Variants in NF1 observed in about 807,000 individuals in gnomAD.
NF1 encodes neurofibromin 1.
Under a neutral mutation model 325.7 loss-of-function variants are expected in NF1, and 122 were observed. That is an observed-to-expected ratio of 0.37 (90% CI 0.32 to 0.44). NF1 has a LOEUF of 0.44. NF1 is among the 20% of genes least tolerant of loss of function. NF1 has a pLI of 1.00. For synonymous variants in NF1, 1,091 were observed against 1,186.0 expected (o/e 0.92, Z 1.65); for missense variants, 2,140 against 3,415.4 (o/e 0.63, Z 9.31).
intron 36 of NF1, chr17:31,295,698 C>A: frequency 1.2e-6 from 2 of 1,614,020 alleles, no homozygotes; most frequent in South Asian, 2.2e-5. Flanking sequence ...AAGAGTTGGT[C>A]AAAAGATTGG....
intron 36 of NF1, among the ~76,000 whole-genome samples, chr17:31,315,780 A>G (rs550482325): frequency 6.6e-6 from 1 of 152,334 alleles, no homozygotes; most frequent in East Asian, 1.9e-4. Context: ...TTTCCTGGTC[A>G]CTGCGGGAAA....
chr17:31,337,612 G>A (rs2151556794), intron 43 of NF1, 30 bp downstream of exon 43: 2 of 1,596,430 alleles, frequency 1.3e-6, no homozygotes, highest in Non-Finnish European at 8.6e-7. Flanking sequence ...AAGAAACTAA[G>A]TTAAAATCTT....
intron 14 of NF1, 42 bp from the exon 15 acceptor site, chr17:31,221,808 A>C: frequency 7.1e-7 from 1 of 1,404,090 alleles, no homozygotes; most frequent in African/African-American, 1.4e-5. Context: ...AAAATGTTTG[A>C]GTGAGTCTTC....
At chr17:31,292,631 C>G (rs1405779209) in intron 36 of NF1, among the ~76,000 whole-genome samples, 2 of 152,232 alleles carry the variant, frequency 1.3e-5, no homozygotes, top group East Asian at 1.9e-4. Context: ...GTTCAAGGGT[C>G]AACTTTACTT....
At chr17:31,144,075 G>A (rs1460318256) in intron 1 of NF1, among the ~76,000 whole-genome samples, 2 of 152,002 alleles carry the variant, frequency 1.3e-5, no homozygotes, top group African/African-American at 2.4e-5. Context: ...CGCCCGCCTC[G>A]GCCTCCCAAA....
intron 36 of NF1, among the ~76,000 whole-genome samples, chr17:31,285,965 G>A (rs2068219237): frequency 6.6e-6 from 1 of 152,168 alleles, no homozygotes; most frequent in East Asian, 1.9e-4. Flanking sequence ...TACAGAAAAT[G>A]AGGTGTATCA....
intron 57 of NF1, 91 bp downstream of exon 57, chr17:31,360,794 G>T: frequency 8.2e-7 from 1 of 1,215,654 alleles, no homozygotes; most frequent in Non-Finnish European, 1.2e-6. Context: ...AGCAAATTTT[G>T]CTCCTTTTTC....
intron 36 of NF1, among the ~76,000 whole-genome samples, chr17:31,284,735 T>C (rs1284669475): frequency 2.0e-5 from 3 of 152,208 alleles, no homozygotes; most frequent in Non-Finnish European, 4.4e-5. Flanking sequence ...AAAGTTTTTT[T>C]GAATCACCTA....
intron 36 of NF1, chr17:31,304,842 GT>G: frequency 6.2e-7 from 1 of 1,613,988 alleles, no homozygotes; most frequent in Non-Finnish European, 8.5e-7. Flanking sequence ...TTTCTCTGAT[GT>G]TATCCATACA....
chr17:31,109,388 CTTTTTCTTTTT>C (rs1319265143), intron 1 of NF1, among the ~76,000 whole-genome samples: 8 of 151,060 alleles, frequency 5.3e-5, no homozygotes, highest in African/African-American at 1.2e-4. Context: ...TCTTTTTTTT[CTTTTTCTTTTT>C]TTTTTCTTTT....
In NF1 at chr17:31,265,333, C is replaced by A; in HGVS notation, c.4829C>A (p.Ala1610Glu). ...KAGNPIFYYV[A>E]RRFKTGQING... Reference sequence around the variant, plus strand: ...GGGAATCCTATTTTTTATTATGTTGCACGGAGGTAAGAAATACTATGTTTT... The same window carrying A: ...GGGAATCCTATTTTTTATTATGTTGAACGGAGGTAAGAAATACTATGTTTT... The change falls in exon 36 of 58, where the codon GCA becomes GAA. Residue 1610 changes from alanine to glutamate, a missense_variant. Around this residue, in one of 10 missense-constraint regions of NF1, gnomAD observed 103 missense variants for 214.6 expected, o/e 0.48. Transcript: ENST00000358273. The A allele has an allele frequency of 1.2e-6, 2 of 1,607,038 alleles. No homozygotes were observed. The highest frequency in any genetic ancestry group is 1.7e-6 in the Non-Finnish European group (2 of 1,174,050).
In NF1 at chr17:31,154,996, G is replaced by A. The variant is rs200193865; in HGVS notation, c.61-987G>A. 3.3e-4 allele frequency among the ~76,000 whole-genome samples: 50 copies of A among 152,056 alleles called. No homozygotes were observed. The East Asian group carries it at 7.2e-3, about 22-fold the overall frequency. On this transcript the variant is annotated intron_variant, in intron 1 of 57. Coordinates refer to ENST00000358273, the MANE Select transcript of NF1 (RefSeq NM_001042492.3). ...TCGTGGTCTGCCTGACTTGGCCTCC[G>A]AAAGTGCTGGGATGAGCCACCGTGC...
chr17:31,314,410 G>C lies in NF1; in HGVS notation c.4836-11410G>C, dbSNP rs560454984. 2.5e-5 allele frequency: 4 copies of C among 161,682 alleles called. No individual in the cohort carries two copies. The East Asian group carries it at 5.2e-4, about 21-fold the overall frequency. The allele number at this position is 161,682 out of a possible 1,614,324, so 10.0% of individuals were successfully genotyped here. On this transcript the variant is annotated intron_variant, in intron 36 of 57. Coordinates refer to ENST00000358273, the MANE Select transcript of NF1 (RefSeq NM_001042492.3). The stretch of plus-strand genomic sequence containing the variant: ...TCATAAGAAGTGAGTGATGTGTTCT[G>C]TTTACTTGTATGACCTTAGGCAAGA...
chr17:31,171,917 C>A lies in NF1; in HGVS notation c.586+1920C>A, dbSNP rs79342960. On this transcript the variant is annotated intron_variant, in intron 5 of 57. Coordinates refer to ENST00000358273, the MANE Select transcript of NF1 (RefSeq NM_001042492.3). ...GCATGGTTTATGAGACAAGTGATGT[C>A]ATTATCAAGTTATTTGCAGAAAAAA... Among the ~76,000 whole-genome samples the A allele has an allele frequency of 9.0e-3, 1,374 of 152,128 alleles. 21 individuals are homozygous for A. The highest frequency in any genetic ancestry group is 0.032 in the African/African-American group (1,316 of 41,506).
At chr17:31,289,816 T>A (rs2068311828) in intron 36 of NF1, among the ~76,000 whole-genome samples, 1 of 152,200 alleles carries the variant, frequency 6.6e-6, no homozygotes, top group African/African-American at 2.4e-5. Context: ...TAAAATATCT[T>A]ACTTTTTTAA....
chr17:31,297,164 CGTCTT>C (rs2068484847), intron 36 of NF1: 1 of 152,190 alleles, frequency 6.6e-6, no homozygotes, highest in Non-Finnish European at 1.5e-5. Flanking sequence ...ACCGTGGTGT[CGTCTT>C]CAACATCAGC....
chr17:31,235,190 C>T (rs1480573475), intron 27 of NF1, among the ~76,000 whole-genome samples: 6 of 152,042 alleles, frequency 3.9e-5, no homozygotes, highest in African/African-American at 9.7e-5. Context: ...CTGAGTTCCC[C>T]GACTGTATGA....
intron 36 of NF1, among the ~76,000 whole-genome samples, chr17:31,278,570 T>C (rs1228081625): frequency 7.1e-6 from 1 of 139,868 alleles, no homozygotes; most frequent in East Asian, 2.3e-4. Flanking sequence ...TCTATGCTCA[T>C]TGCACCTGTG....
chr17:31,098,962 T>C (rs1912048618), intron 1 of NF1, among the ~76,000 whole-genome samples: 1 of 149,094 alleles, frequency 6.7e-6, no homozygotes, highest in Non-Finnish European at 1.5e-5. Context: ...AGAATCTTAA[T>C]AGTTTCAACT....
Sources: gnomAD v4.1 joint callset for allele counts (sites outside exome capture counted in the v4.1 genomes callset) on GRCh38, gnomAD v4.1.1 for gene constraint, gnomAD v4.1.1 regional missense constraint, MANE v1.5 for transcripts, NCBI Gene and HGNC (gene_info 2026-07-23, HGNC 2026-07-21) for gene names.